Variants in C12orf75 observed in about 807,000 individuals in gnomAD.
C12orf75 encodes chromosome 12 open reading frame 75, also known as overexpressed in colon carcinoma 1 protein.
In C12orf75, 4 loss-of-function variants were observed where a neutral mutation model predicts 11.4. The observed-to-expected ratio is 0.35, with a 90% CI of 0.17 to 0.80. C12orf75 has a LOEUF of 0.80. Among genes scored for constraint, C12orf75 ranks in the 30% least tolerant of loss-of-function variants. The pLI is 0.52. For missense variants in C12orf75, 89 were observed against 80.4 expected (o/e 1.11, Z -0.41); for synonymous variants, 30 against 30.0 (o/e 1.00, Z 0.00).
rs1202529747 is a variant in C12orf75 at position 105,357,829 on chromosome 12, AG to A, written c.72-7976del. Among the ~76,000 whole-genome samples, 424 of 142,482 alleles carry A rather than the reference AG, an allele frequency of 3.0e-3. 2 individuals carry two copies. The highest frequency in any genetic ancestry group is 0.011 in the African/African-American group (405 of 38,364). 93.5% of individuals were successfully genotyped at this position (142,482 alleles called of 152,430 possible). ...GTGTGAGAGAGAGAGAGAGAGAGAGAGGAGAGAGAGAGAGACAGACAGACAG... is the reference window on the plus strand; with the variant it reads ...GTGTGAGAGAGAGAGAGAGAGAGAGAGAGAGAGAGAGAGACAGACAGACAG... On this transcript the variant is annotated intron_variant, in intron 2 of 5. Transcript: ENST00000443585.
intron 2 of C12orf75, among the ~76,000 whole-genome samples, chr12:105,356,437 GGCTTTTTTTTTTTTTTTTTTTTT>G (rs1892781020): frequency 8.2e-6 from 1 of 122,484 alleles, no homozygotes; most frequent in East Asian, 2.3e-4. Flanking sequence ...AAAGACTACA[GGCTTTTTTTTTTTTTTTTTTTTT>G]GCTTTTTAGA....
At chr12:105,344,434 C>T (rs2136143386) in intron 1 of C12orf75, among the ~76,000 whole-genome samples, 1 of 152,262 alleles carries the variant, frequency 6.6e-6, no homozygotes, top group Middle Eastern at 3.4e-3. Flanking sequence ...TACTAGGTCA[C>T]CCCTCATCTT....
chr12:105,370,573 T>C, intron 5 of C12orf75, 61 bp from the exon 6 acceptor site: 1 of 457,558 alleles, frequency 2.2e-6, no homozygotes, highest in Non-Finnish European at 4.4e-6. Flanking sequence ...GGCTAATACA[T>C]TTTTTAACCT....
At chr12:105,364,985 C>T (rs1237129358) in intron 2 of C12orf75, among the ~76,000 whole-genome samples, 1 of 151,770 alleles carries the variant, frequency 6.6e-6, no homozygotes, top group Admixed American at 6.6e-5. Context: ...GGACTACAGG[C>T]GTCACCATGC....
chr12:105,345,416 G>C (rs1022024585), intron 1 of C12orf75, among the ~76,000 whole-genome samples: 1 of 151,902 alleles, frequency 6.6e-6, no homozygotes, highest in Non-Finnish European at 1.5e-5. Context: ...CTTGAACCCA[G>C]GAGGCGGAGG....
intron 1 of C12orf75, among the ~76,000 whole-genome samples, chr12:105,341,018 A>C (rs12829692): frequency 0.18 from 28,034 of 152,188 alleles, 2,928 homozygotes; most frequent in Non-Finnish European, 0.24. Flanking sequence ...CTATGAGTGC[A>C]TAGATTTCTG....
chr12:105,351,160 G>A (rs1892709101), intron 2 of C12orf75, among the ~76,000 whole-genome samples: 1 of 152,116 alleles, frequency 6.6e-6, no homozygotes, highest in African/African-American at 2.4e-5. Flanking sequence ...GTAATATTAG[G>A]TGATGCCATG....
At chr12:105,333,591 A>G (rs1226892677) in intron 1 of C12orf75, among the ~76,000 whole-genome samples, 1 of 152,066 alleles carries the variant, frequency 6.6e-6, no homozygotes, top group East Asian at 1.9e-4. Flanking sequence ...CAGTGAGCTT[A>G]AGCTTAGGTT....
chr12:105,341,008 C>T (rs926957210), intron 1 of C12orf75, among the ~76,000 whole-genome samples: 1 of 152,188 alleles, frequency 6.6e-6, no homozygotes, highest in Non-Finnish European at 1.5e-5. Flanking sequence ...GCCTCCAGAT[C>T]TATGAGTGCA....
chr12:105,331,231 G>A (rs2136137748), intron 1 of C12orf75, among the ~76,000 whole-genome samples: 1 of 151,998 alleles, frequency 6.6e-6, no homozygotes, highest in Non-Finnish European at 1.5e-5. Flanking sequence ...GCGGGTCTCA[G>A]GGCTCTCCTG....
chr12:105,366,610 T>C lies in C12orf75; in HGVS notation c.108-7T>C, dbSNP rs1304604319. On this transcript the variant is annotated splice_region_variant and splice_polypyrimidine_tract_variant and intron_variant, in intron 3 of 5. Transcript: ENST00000443585. ...CATTTAAATTGGTTTGATTTCTTTTTATCAAGAAACTATGGAGGAGTATAT... is the reference window on the plus strand; with the variant it reads ...CATTTAAATTGGTTTGATTTCTTTTCATCAAGAAACTATGGAGGAGTATAT... 18 of 1,484,404 alleles carry C rather than the reference T, an allele frequency of 1.2e-5. No homozygotes were observed. In the Admixed American group the frequency reaches 1.8e-4, roughly 15 times the overall value. The allele number at this position is 1,484,404 out of a possible 1,614,324, so 92.0% of individuals were successfully genotyped here.
chr12:105,339,088 A>G (rs1443658033), intron 1 of C12orf75, among the ~76,000 whole-genome samples: 1 of 152,228 alleles, frequency 6.6e-6, no homozygotes, highest in Non-Finnish European at 1.5e-5. Context: ...GCACTCTGAA[A>G]AATAAGCATT....
chr12:105,332,227 C>T (rs1228264136), intron 1 of C12orf75, among the ~76,000 whole-genome samples: 1 of 152,064 alleles, frequency 6.6e-6, no homozygotes, highest in Admixed American at 6.5e-5. Flanking sequence ...TCTCAGTCTA[C>T]TAGGTACTGT....
intron 2 of C12orf75, among the ~76,000 whole-genome samples, chr12:105,357,459 G>A (rs769012957): frequency 5.3e-5 from 8 of 152,166 alleles, no homozygotes; most frequent in Non-Finnish European, 8.8e-5. Context: ...ACAAGAGTGA[G>A]TCATGTTTAA....
intron 2 of C12orf75, 144 bp from the exon 3 acceptor site, chr12:105,365,663 T>G: frequency 1.6e-6 from 1 of 642,578 alleles, no homozygotes; most frequent in Non-Finnish European, 2.9e-6. Flanking sequence ...ACTTGATGGA[T>G]AGTTTTGCTC....
intron 2 of C12orf75, among the ~76,000 whole-genome samples, chr12:105,352,065 G>A (rs1892720659): frequency 6.6e-6 from 1 of 152,156 alleles, no homozygotes; most frequent in African/African-American, 2.4e-5. Flanking sequence ...ATTAGAAAAT[G>A]TAATTAATAA....
intron 2 of C12orf75, among the ~76,000 whole-genome samples, chr12:105,357,807 T>TGTGTGTGTGTGTGTGTGTGTGA (rs1491090986): frequency 1.6e-4 from 20 of 122,962 alleles, no homozygotes; most frequent in African/African-American, 2.4e-4. Context: ...TGTGTGTGTG[T>TGTGTGTGTGTGTGTGTGTGTGA]GAGAGAGAGA....
At chr12:105,368,276 C>T (rs549820237) in intron 5 of C12orf75, among the ~76,000 whole-genome samples, 9 of 152,300 alleles carry the variant, frequency 5.9e-5, no homozygotes, top group African/African-American at 1.9e-4. Flanking sequence ...ATGCTGGGCT[C>T]TCCACTGTAT....
At chr12:105,345,581 T>A (rs543082528) in intron 1 of C12orf75, among the ~76,000 whole-genome samples, 4 of 150,574 alleles carry the variant, frequency 2.7e-5, no homozygotes, top group African/African-American at 7.3e-5. Context: ...CTGTCGTTTG[T>A]GGGGGGAAAT....
Sources: allele counts gnomAD v4.1 joint callset (sites outside exome capture counted in the v4.1 genomes callset), GRCh38; gene constraint gnomAD v4.1.1; transcripts MANE v1.5; gene names NCBI Gene and HGNC (gene_info 2026-07-23, HGNC 2026-07-21).